The following CNTN5 variants were observed in gnomAD, a reference collection of about 807,000 sequenced individuals.
The protein encoded by CNTN5 is contactin-5.
CNTN5 carries 77 observed loss-of-function variants against 129.1 expected under a neutral mutation model. The observed-to-expected ratio is 0.60, with a 90% CI of 0.50 to 0.72. CNTN5 has a LOEUF of 0.72. CNTN5 is among the 30% of genes least tolerant of loss of function. CNTN5 has a pLI of 0.00. For synonymous variants in CNTN5, 509 were observed against 465.6 expected (o/e 1.09, Z -1.20); for missense variants, 1,478 against 1,328.8 (o/e 1.11, Z -1.75).
In CNTN5 at chr11:99,584,335, G is replaced by A. The variant is rs150809943; in HGVS notation, c.55+28066G>A. ...CACCATACTTATTCACACTGGCCCTGATTACTGTTATATCCTTAGTGCAGA... is the reference window on the plus strand; with the variant it reads ...CACCATACTTATTCACACTGGCCCTAATTACTGTTATATCCTTAGTGCAGA... On this transcript the variant is annotated intron_variant, in intron 3 of 24. Transcript: ENST00000524871. 2.5e-4 allele frequency among the ~76,000 whole-genome samples: 38 copies of A among 152,240 alleles called. No individual in the cohort carries two copies. In the East Asian group the frequency reaches 6.0e-3, roughly 24 times the overall value.
chr11:99,433,371 ATGTGTG>A (rs1555143806), intron 2 of CNTN5, among the ~76,000 whole-genome samples: 32 of 140,886 alleles, frequency 2.3e-4, no homozygotes, highest in East Asian at 2.0e-4. Flanking sequence ...TAAAAAAAAA[ATGTGTG>A]TGTGTGTGTG....
intron 1 of CNTN5, among the ~76,000 whole-genome samples, chr11:99,248,877 A>G (rs1261013377): frequency 6.6e-6 from 1 of 152,122 alleles, no homozygotes; most frequent in Non-Finnish European, 1.5e-5. Context: ...GCCTTGTAGT[A>G]TAGTTTGAAG....
At position 100,268,750 on chromosome 11, in the gene CNTN5, C is replaced by A. The variant is rs113658132; in HGVS notation, c.2165-2342C>A. ...TTTCTGCCAAGATAAGTGGAGATAT[C>A]AACATAGTTTGAAGTCATAGATGCC... On this transcript the variant is annotated intron_variant, in intron 17 of 24. Transcript: ENST00000524871. 3.9e-3 allele frequency among the ~76,000 whole-genome samples: 596 copies of A among 152,164 alleles called. 1 individual carries two copies. The highest frequency in any genetic ancestry group is 6.9e-3 in the Admixed American group (105 of 15,270).
At chr11:99,376,328 G>C (rs1277348668) in intron 2 of CNTN5, among the ~76,000 whole-genome samples, 2 of 152,124 alleles carry the variant, frequency 1.3e-5, no homozygotes, top group African/African-American at 4.8e-5. Context: ...AATTCACTGA[G>C]GTTCTGCTCC....
At chr11:100,121,061 A>G (rs1482829975) in intron 13 of CNTN5, among the ~76,000 whole-genome samples, 15 of 151,980 alleles carry the variant, frequency 9.9e-5, no homozygotes, top group Non-Finnish European at 2.2e-4. Context: ...AATGTATTGG[A>G]TCATAGTTTA....
chr11:99,989,368 G>C (rs1342444434), intron 8 of CNTN5, among the ~76,000 whole-genome samples: 1 of 152,042 alleles, frequency 6.6e-6, no homozygotes, highest in African/African-American at 2.4e-5. Flanking sequence ...GTTGGAAGCA[G>C]AATCCTAATT....
At chr11:99,989,468 T>C (rs1345417647) in intron 8 of CNTN5, among the ~76,000 whole-genome samples, 1 of 152,014 alleles carries the variant, frequency 6.6e-6, no homozygotes, top group Non-Finnish European at 1.5e-5. Flanking sequence ...TTTTTTTTCT[T>C]TTTCTAATTA....
At chr11:99,627,121 C>T (rs1014867313) in intron 3 of CNTN5, among the ~76,000 whole-genome samples, 23 of 152,058 alleles carry the variant, frequency 1.5e-4, no homozygotes, top group African/African-American at 4.8e-4. Context: ...CTGAGAGGCT[C>T]GCTGTTCGTG....
intron 3 of CNTN5, among the ~76,000 whole-genome samples, chr11:99,815,879 A>C (rs1320303658): frequency 6.6e-6 from 1 of 152,286 alleles, no homozygotes; most frequent in Middle Eastern, 3.4e-3. Context: ...AACTCCTTCA[A>C]TACTTAAAAT....
chr11:99,189,843 T>C (rs1380330999), intron 1 of CNTN5, among the ~76,000 whole-genome samples: 1 of 151,696 alleles, frequency 6.6e-6, no homozygotes, highest in Non-Finnish European at 1.5e-5. Flanking sequence ...ATATTTTCTC[T>C]CATTTTATAG....
chr11:100,016,534 C>T (rs1317914133), intron 9 of CNTN5, among the ~76,000 whole-genome samples: 1 of 151,886 alleles, frequency 6.6e-6, no homozygotes, highest in African/African-American at 2.4e-5. Flanking sequence ...TATATCTAGG[C>T]ATTTTCTACT....
chr11:99,712,006 A>C (rs1187245811), intron 3 of CNTN5, among the ~76,000 whole-genome samples: 1 of 152,070 alleles, frequency 6.6e-6, no homozygotes, highest in Non-Finnish European at 1.5e-5. Context: ...CAGTAATATA[A>C]TGGCTAGGTC....
At chr11:99,935,379 T>C (rs1269963450) in intron 7 of CNTN5, among the ~76,000 whole-genome samples, 1 of 152,100 alleles carries the variant, frequency 6.6e-6, no homozygotes, top group African/African-American at 2.4e-5. Flanking sequence ...TAGGTTTTTT[T>C]CACCGAGCAT....
rs550027752 is a variant in CNTN5, at chr11:99,839,329, G to T, written c.278-5523G>T. Among the ~76,000 whole-genome samples the T allele has an allele frequency of 2.0e-5, 3 of 152,288 alleles. No individual in the cohort carries two copies. In the South Asian group the frequency reaches 6.2e-4, roughly 32 times the overall value. On this transcript the variant is annotated intron_variant, in intron 4 of 24. Transcript: ENST00000524871. ...AAGGTAAAATAATCGGGTGAAGTCT[G>T]TGTGAAAGTGGACAAATGACTCAGG...
intron 13 of CNTN5, among the ~76,000 whole-genome samples, chr11:100,153,780 T>G (rs967573352): frequency 1.9e-4 from 29 of 152,038 alleles, no homozygotes; most frequent in African/African-American, 7.0e-4. Flanking sequence ...AACAAATAAT[T>G]TGATGACCGT....
At chr11:100,141,144 A>G (rs1349695769) in intron 13 of CNTN5, among the ~76,000 whole-genome samples, 3 of 152,084 alleles carry the variant, frequency 2.0e-5, no homozygotes, top group Non-Finnish European at 2.9e-5. Context: ...GGGGGGAGGC[A>G]TGTTAAAGTT....
chr11:99,442,604 C>T (rs1312541806), intron 2 of CNTN5, among the ~76,000 whole-genome samples: 1 of 152,124 alleles, frequency 6.6e-6, no homozygotes, highest in Non-Finnish European at 1.5e-5. Flanking sequence ...TGACTCTATT[C>T]GTCTATGTAT....
chr11:99,750,969 T>C (rs969406919), intron 3 of CNTN5, among the ~76,000 whole-genome samples: 1 of 152,200 alleles, frequency 6.6e-6, no homozygotes, highest in African/African-American at 2.4e-5. Context: ...AGTCACGTGG[T>C]CTTTCAATTA....
chr11:99,724,105 A>G (rs1943260114), intron 3 of CNTN5, among the ~76,000 whole-genome samples: 1 of 152,192 alleles, frequency 6.6e-6, no homozygotes, highest in Non-Finnish European at 1.5e-5. Flanking sequence ...GTCTTTCAGC[A>G]TGTCCCTAGC....
Sources: gnomAD v4.1 joint callset for allele counts (sites outside exome capture counted in the v4.1 genomes callset) on GRCh38, gnomAD v4.1.1 for gene constraint, MANE v1.5 for transcripts, NCBI Gene and HGNC (gene_info 2026-07-23, HGNC 2026-07-21) for gene names.